Variants in NKX6-1 observed in about 807,000 individuals in gnomAD.
The protein encoded by NKX6-1 is homeobox protein Nkx-6.1.
A neutral mutation model predicts 24.9 loss-of-function variants in NKX6-1; 11 were observed. That is an observed-to-expected ratio of 0.44 (90% CI 0.28 to 0.73). The LOEUF (loss-of-function observed/expected upper bound fraction) is 0.73, where lower values mean the gene tolerates loss of function less well. Ranked by LOEUF, NKX6-1 falls within the 30% of genes least tolerant of loss-of-function variation. The pLI, the probability that NKX6-1 is intolerant of heterozygous loss-of-function variation, is 0.15. For missense variants in NKX6-1, 487 were observed against 502.9 expected, an observed-to-expected ratio of 0.97 and a Z score of 0.30; for synonymous variants, 277 against 242.9, an observed-to-expected ratio of 1.14 and a Z score of -1.31.
rs1032193531 is a variant in NKX6-1, at chr4:84,497,157, C to A, written c.670+402G>T. On this transcript the variant is annotated intron_variant, in intron 1 of 2. Transcript: ENST00000295886. The surrounding 1 kb of genome is among the most constrained non-coding windows in gnomAD (Gnocchi z 4.8). ...GGACGACAGGGAGGAGCCGGGAAAG[C>A]AGAGATGCAGTGGCCTCTCCTCCCC... Among the ~76,000 whole-genome samples the A allele has an allele frequency of 1.3e-5, 2 of 152,156 alleles. No homozygotes were observed. Among genetic ancestry groups the A allele is most frequent in the African/African-American group, 4.8e-5 (2 of 41,452 alleles).
Position 84,497,417 on chromosome 4 carries a change from A to T in NKX6-1, c.670+142T>A, listed in dbSNP as rs886706663. On this transcript the variant is annotated intron_variant, in intron 1 of 2. Transcript: ENST00000295886. The surrounding 1 kb of genome is among the most constrained non-coding windows in gnomAD (Gnocchi z 4.8). ...CTTTCTGGAAGCCCTGGCCCAACCTAACTGGTGTGATTCCGGCGCTGTCAA... is the reference window on the plus strand; with the variant it reads ...CTTTCTGGAAGCCCTGGCCCAACCTTACTGGTGTGATTCCGGCGCTGTCAA... 4 of 1,161,970 alleles carry T rather than the reference A, an allele frequency of 3.4e-6. No homozygotes were observed. In the African/African-American group the frequency reaches 6.4e-5, roughly 19 times the overall value. 72.0% of individuals were successfully genotyped at this position (1,161,970 alleles called of 1,614,324 possible).
At chr4:84,494,933 G>GA (rs1720789703) in intron 2 of NKX6-1, among the ~76,000 whole-genome samples, 1 of 151,984 alleles carries the variant, frequency 6.6e-6, no homozygotes, top group African/African-American at 2.4e-5. Flanking sequence ...TATTTTTTAG[G>GA]AAAAAATTTC....
chr4:84,497,853 AGGAGGAGGAACCGGAGGGCGAGGC>A lies in NKX6-1; in HGVS notation c.352_375del (p.Ala118_Ser125del). 1 of 1,271,448 alleles carries A rather than the reference AGGAGGAGGAACCGGAGGGCGAGGC, an allele frequency of 7.9e-7. No homozygotes were observed. 78.8% of individuals were successfully genotyped at this position (1,271,448 alleles called of 1,614,324 possible). A position where few individuals can be genotyped will look rare whatever the true frequency, so the allele number is the denominator to read the frequency against. On this transcript the variant is annotated inframe_deletion, in exon 1 of 3. Coordinates refer to ENST00000295886, the MANE Select transcript of NKX6-1 (RefSeq NM_006168.3). The surrounding 1 kb of genome is among the most constrained non-coding windows in gnomAD (Gnocchi z 4.8). ...GAGGCAGAGGCGGACGAGGAAGAGG[AGGAGGAGGAACCGGAGGGCGAGGC>A]GGAGGGCAGGGCGGCCCCCGAGGCC...
chr4:84,495,613 G>A, intron 2 of NKX6-1, 59 bp downstream of exon 2: 2 of 1,443,464 alleles, frequency 1.4e-6, no homozygotes, highest in South Asian at 1.2e-5. Flanking sequence ...GTGCCCATGT[G>A]TGCACGCGCG....
At position 84,498,011 on chromosome 4, in the gene NKX6-1, T is replaced by A; in HGVS notation, c.218A>T (p.Lys73Met). 7.8e-7 allele frequency: 1 copy of A among 1,275,872 alleles called. No individual in the cohort carries two copies. The highest frequency in any genetic ancestry group is 9.9e-7 in the Non-Finnish European group (1 of 1,010,794). 79.0% of individuals were successfully genotyped at this position (1,275,872 alleles called of 1,614,324 possible). The change falls in exon 1 of 3, where the codon AAG (lysine) becomes ATG (methionine). Residue 73 changes from lysine to methionine, a missense_variant. This residue lies in a region of NKX6-1 where 316 missense variants were observed against 311.4 expected (regional missense o/e 1.01). Transcript: ENST00000295886. ...PLGTHNPGGL[K>M]PPATGGLSSL... ...TGAGAGCCCCCCCGTGGCCGGGGGC[T>A]TCAGGCCGCCTGGGTTGTGGGTGCC...
rs1720772384 is a variant in NKX6-1, at chr4:84,493,825, G to A, written c.844-276C>T. Among the ~76,000 whole-genome samples the A allele has an allele frequency of 6.6e-6, 1 of 152,186 alleles. No individual in the cohort carries two copies. The highest frequency in any genetic ancestry group is 1.5e-5 in the Non-Finnish European group (1 of 68,026). On this transcript the variant is annotated intron_variant, in intron 2 of 2. Transcript: ENST00000295886. This position sits in a 1 kb window ranked among gnomAD's most constrained non-coding sequence, Gnocchi z 5.1. ...GTTGTCAGTGAGCGAGTTCTCAAAA[G>A]TAAAAACAAAACTCGGAAACTTAAA...
At position 84,497,195 on chromosome 4, in the gene NKX6-1, C is replaced by A. The variant is rs1249826795; in HGVS notation, c.670+364G>T. On this transcript the variant is annotated intron_variant, in intron 1 of 2. Coordinates refer to ENST00000295886, the MANE Select transcript of NKX6-1 (RefSeq NM_006168.3). This position sits in a 1 kb window ranked among gnomAD's most constrained non-coding sequence, Gnocchi z 4.8. ...GCCTCTCCTCCCCTCTCCTCCCCAT[C>A]TTTCTAATCCAGGCCAGGCCTGCGG... 6.6e-6 allele frequency among the ~76,000 whole-genome samples: 1 copy of A among 152,128 alleles called. No individual in the cohort carries two copies. The highest frequency in any genetic ancestry group is 1.5e-5 in the Non-Finnish European group (1 of 68,034).
chr4:84,493,273 C>G lies in NKX6-1; in HGVS notation c.*16G>C, dbSNP rs761115299. 1 of 1,406,876 alleles carries G rather than the reference C, an allele frequency of 7.1e-7. No individual in the cohort carries two copies. Among genetic ancestry groups the G allele is most frequent in the South Asian group, 1.7e-5 (1 of 59,918 alleles). 87.1% of individuals were successfully genotyped at this position (1,406,876 alleles called of 1,614,324 possible). The stretch of plus-strand genomic sequence containing the variant: ...GGTGGAGGCCGGAGCCGGGAAGGTG[C>G]GGCGGGCGGCGGCGTTCAGGATGAG... On this transcript the variant is annotated 3_prime_UTR_variant, in exon 3 of 3. Transcript: ENST00000295886. This position sits in a 1 kb window ranked among gnomAD's most constrained non-coding sequence, Gnocchi z 5.1.
rs1300974729 is a variant in NKX6-1 at position 84,498,426 on chromosome 4, T to C, written c.-198A>G. The C allele has an allele frequency of 1.2e-5, 6 of 501,044 alleles. No individual in the cohort carries two copies. The East Asian group carries it at 2.1e-4, about 18-fold the overall frequency. The allele number at this position is 501,044 out of a possible 1,614,324, so 31.0% of individuals were successfully genotyped here. On this transcript the variant is annotated 5_prime_UTR_variant, in exon 1 of 3. Transcript: ENST00000295886. ...CTGCGCAGCAGAGATGTCCAAACCC[T>C]CCACGCGGGAGGCGGCAGCTCGCCG...
chr4:84,495,598 TG>T (rs1720801810), intron 2 of NKX6-1, 73 bp downstream of exon 2: 1 of 1,208,234 alleles, frequency 8.3e-7, no homozygotes, highest in East Asian at 2.3e-5. Context: ...TGTGTGTGTG[TG>T]TGTGTGCCCA....
In NKX6-1 at chr4:84,499,084, C is replaced by A. The variant is rs542672909; in HGVS notation, c.-856G>T. On this transcript the variant is annotated 5_prime_UTR_variant, in exon 1 of 3. Coordinates refer to ENST00000295886, the MANE Select transcript of NKX6-1 (RefSeq NM_006168.3). Reference sequence around the variant, plus strand: ...AGTCCACTTCTGCAAACGGGCCCGGCGACCCCCGCCCCACCCCCGCTCCCT... The same window carrying A: ...AGTCCACTTCTGCAAACGGGCCCGGAGACCCCCGCCCCACCCCCGCTCCCT... Among the ~76,000 whole-genome samples, 886 of 152,296 alleles carry A rather than the reference C, an allele frequency of 5.8e-3. 6 individuals are homozygous for A. Among genetic ancestry groups the A allele is most frequent in the African/African-American group, 0.02 (840 of 41,580 alleles).
rs984117776 is a variant in NKX6-1, at chr4:84,492,016, C to G, written c.*1273G>C. The stretch of plus-strand genomic sequence containing the variant: ...AACTGTTTTTTTTAATTTGATTTAT[C>G]CTTTGAAACAGAAAGTGCATTACAT... On this transcript the variant is annotated 3_prime_UTR_variant, in exon 3 of 3. Coordinates refer to ENST00000295886, the MANE Select transcript of NKX6-1 (RefSeq NM_006168.3). 1 of 151,960 alleles carries G rather than the reference C, an allele frequency of 6.6e-6. No homozygotes were observed. The highest frequency in any genetic ancestry group is 6.6e-5 in the Admixed American group (1 of 15,254). 9.4% of individuals were successfully genotyped at this position (151,960 alleles called of 1,614,324 possible).
At chr4:84,496,002 G>A (rs1437394036) in intron 1 of NKX6-1, among the ~76,000 whole-genome samples, 158 bp from the exon 2 acceptor site, 1 of 152,168 alleles carries the variant, frequency 6.6e-6, no homozygotes, top group African/African-American at 2.4e-5. Flanking sequence ...CCAGACTAAC[G>A]GCACGTCTCC....
At chr4:84,496,949 T>C (rs1016432216) in intron 1 of NKX6-1, 1 of 152,284 alleles carries the variant, frequency 6.6e-6, no homozygotes, top group African/African-American at 2.4e-5. Context: ...CTGTCTTCAA[T>C]GGGCTCACCC....
Position 84,493,207 on chromosome 4 carries a change from C to T in NKX6-1, c.*82G>A. ...CTCCGGGCCCCGAGGAGCGGGCAGG[C>T]GCGGCGTGCACGCGGTCCCCGCGCC... is the stretch of plus-strand genomic sequence containing the variant. On this transcript the variant is annotated 3_prime_UTR_variant, in exon 3 of 3. Transcript: ENST00000295886. This position sits in a 1 kb window ranked among gnomAD's most constrained non-coding sequence, Gnocchi z 5.1. 3.1e-6 allele frequency: 4 copies of T among 1,297,614 alleles called. No homozygotes were observed. Among genetic ancestry groups the T allele is most frequent in the Non-Finnish European group, 4.0e-6 (4 of 1,009,298 alleles). The allele number at this position is 1,297,614 out of a possible 1,614,324, so 80.4% of individuals were successfully genotyped here. A position where few individuals can be genotyped will look rare whatever the true frequency, so the allele number is the denominator to read the frequency against.
chr4:84,495,429 T>C (rs573458237), intron 2 of NKX6-1, among the ~76,000 whole-genome samples: 8 of 152,328 alleles, frequency 5.3e-5, no homozygotes, highest in African/African-American at 1.9e-4. Context: ...ATTAACCTAA[T>C]TTCAAAGGCG....
Position 84,497,768 on chromosome 4 carries a change from G to A in NKX6-1, c.461C>T (p.Ala154Val). The A allele has an allele frequency of 1.6e-6, 2 of 1,276,614 alleles. No individual in the cohort carries two copies. Among genetic ancestry groups the A allele is most frequent in the Non-Finnish European group, 9.9e-7 (1 of 1,014,772 alleles). 79.1% of individuals were successfully genotyped at this position (1,276,614 alleles called of 1,614,324 possible). A position where few individuals can be genotyped will look rare whatever the true frequency, so the allele number is the denominator to read the frequency against. The change falls in exon 1 of 3, where the codon GCG (alanine) becomes GTG (valine). Residue 154 changes from alanine to valine, a missense_variant. By Grantham distance (64) the Ala-to-Val change is moderately conservative. Around this residue, in one of 3 missense-constraint regions of NKX6-1, gnomAD observed 316 missense variants for 311.4 expected, o/e 1.01. Transcript: ENST00000295886. This position sits in a 1 kb window ranked among gnomAD's most constrained non-coding sequence, Gnocchi z 4.8. Reference sequence around the variant, plus strand: ...GCGTGGCAGTCCGGCCAGCAGCCCCGCCGGGGATGAGGCGGCGGCTGCGGC... The same window carrying A: ...GCGTGGCAGTCCGGCCAGCAGCCCCACCGGGGATGAGGCGGCGGCTGCGGC... The part of the protein sequence containing the change: ...AAAAAAASSP[A>V]GLLAGLPRFS...
In NKX6-1 at chr4:84,497,481, C is replaced by T. The variant is rs1720843374; in HGVS notation, c.670+78G>A. 1 of 1,248,368 alleles carries T rather than the reference C, an allele frequency of 8.0e-7. No homozygotes were observed. The highest frequency in any genetic ancestry group is 1.0e-6 in the Non-Finnish European group (1 of 988,342). The allele number at this position is 1,248,368 out of a possible 1,614,324, so 77.3% of individuals were successfully genotyped here. A position where few individuals can be genotyped will look rare whatever the true frequency, so the allele number is the denominator to read the frequency against. Reference sequence around the variant, plus strand: ...GCCACAGGATGGACTGAGCGGCATGCACACCAGGGGCCGCGACCCGGGAGT... The same window carrying T: ...GCCACAGGATGGACTGAGCGGCATGTACACCAGGGGCCGCGACCCGGGAGT... On this transcript the variant is annotated intron_variant, in intron 1 of 2. Transcript: ENST00000295886. The surrounding 1 kb of genome is among the most constrained non-coding windows in gnomAD (Gnocchi z 4.8).
rs761115299 is a variant in NKX6-1 at position 84,493,273 on chromosome 4, C to T, written c.*16G>A. On this transcript the variant is annotated 3_prime_UTR_variant, in exon 3 of 3. Coordinates refer to ENST00000295886, the MANE Select transcript of NKX6-1 (RefSeq NM_006168.3). This position sits in a 1 kb window ranked among gnomAD's most constrained non-coding sequence, Gnocchi z 5.1. ...GGTGGAGGCCGGAGCCGGGAAGGTG[C>T]GGCGGGCGGCGGCGTTCAGGATGAG... The T allele has an allele frequency of 7.1e-7, 1 of 1,406,876 alleles. No individual in the cohort carries two copies. Among genetic ancestry groups the T allele is most frequent in the Non-Finnish European group, 9.2e-7 (1 of 1,086,910 alleles). The allele number at this position is 1,406,876 out of a possible 1,614,324, so 87.1% of individuals were successfully genotyped here.
Sources: gnomAD v4.1 joint callset for allele counts (sites outside exome capture counted in the v4.1 genomes callset) on GRCh38, gnomAD v4.1.1 for gene constraint, gnomAD v4.1.1 regional missense constraint, Gnocchi (gnomAD v3.1) non-coding constraint, MANE v1.5 for transcripts, NCBI Gene and HGNC (gene_info 2026-07-23, HGNC 2026-07-21) for gene names.